Variants in ZC2HC1B observed in about 807,000 individuals in gnomAD.
ZC2HC1B encodes zinc finger C2HC domain-containing protein 1B.
In ZC2HC1B, 36 loss-of-function variants were observed where a neutral mutation model predicts 31.0. The ratio of observed to expected loss-of-function variants is 1.16; its 90% CI spans 0.89 to 1.54. The LOEUF (loss-of-function observed/expected upper bound fraction) is 1.54, where lower values mean the gene tolerates loss of function less well. ZC2HC1B is among the 40% of genes most tolerant of loss of function. The pLI is 0.00. For synonymous variants in ZC2HC1B, 73 were observed against 88.0 expected, an observed-to-expected ratio of 0.83 and a Z score of 0.95; for missense variants, 260 against 268.6, an observed-to-expected ratio of 0.97 and a Z score of 0.22.
rs1176724266 is a variant in ZC2HC1B, at chr6:143,919,217, C to CTCTGTGTG, written c.598+16066_598+16067insCTGTGTGT. 3.6e-3 allele frequency among the ~76,000 whole-genome samples: 440 copies of CTCTGTGTG among 123,694 alleles called. 6 individuals are homozygous for CTCTGTGTG. Among genetic ancestry groups the CTCTGTGTG allele is most frequent in the African/African-American group, 9.1e-3 (313 of 34,226 alleles). 81.1% of individuals were successfully genotyped at this position (123,694 alleles called of 152,430 possible). Reference sequence around the variant, plus strand: ...TCCCTTCTGCAGGGTTTGCTATTCTCTGTGTGTGTGTGTGTGTGTGTGTGT... The same window carrying CTCTGTGTG: ...TCCCTTCTGCAGGGTTTGCTATTCTCTCTGTGTGTGTGTGTGTGTGTGTGTGTGTGTGT... On this transcript the variant is annotated intron_variant, in intron 6 of 7. Transcript: ENST00000237275.
chr6:143,930,315 T>C (rs866823255), intron 6 of ZC2HC1B, among the ~76,000 whole-genome samples: 44 of 152,110 alleles, frequency 2.9e-4, no homozygotes, highest in African/African-American at 9.6e-4. Context: ...TCTTTTGTCA[T>C]TGACCCAAAA....
chr6:143,887,769 A>G lies in ZC2HC1B; in HGVS notation c.349+948A>G, dbSNP rs1777547322. The stretch of plus-strand genomic sequence containing the variant: ...TTAGGGCTAGAATCTCAATGAGATT[A>G]GCATAAATATTAATATAAGATTATT... On this transcript the variant is annotated intron_variant, in intron 4 of 7. Transcript: ENST00000237275. This position sits in a 1 kb window ranked among gnomAD's most constrained non-coding sequence, Gnocchi z 5.1. Among the ~76,000 whole-genome samples the G allele has an allele frequency of 6.6e-6, 1 of 152,102 alleles. No individual in the cohort carries two copies. Among genetic ancestry groups the G allele is most frequent in the African/African-American group, 2.4e-5 (1 of 41,464 alleles).
intron 6 of ZC2HC1B, among the ~76,000 whole-genome samples, chr6:143,914,813 A>G (rs1777898575): frequency 6.6e-6 from 1 of 152,126 alleles, no homozygotes; most frequent in Admixed American, 6.6e-5. Context: ...GGCCACTAAT[A>G]TTAGTGGCCT....
intron 1 of ZC2HC1B, among the ~76,000 whole-genome samples, chr6:143,864,972 C>CA (rs1436026102): frequency 6.6e-6 from 1 of 152,264 alleles, no homozygotes; most frequent in East Asian, 1.9e-4. Context: ...GTTTCTTTGT[C>CA]ATGTTACTCA....
chr6:143,873,115 T>A (rs957811106), intron 1 of ZC2HC1B, among the ~76,000 whole-genome samples: 3 of 152,162 alleles, frequency 2.0e-5, no homozygotes, highest in Middle Eastern at 3.4e-3. Context: ...AGGGTGCAGG[T>A]ATTGGGTAAA....
At chr6:143,866,979 G>T (rs1777271059) in intron 1 of ZC2HC1B, among the ~76,000 whole-genome samples, 2 of 152,108 alleles carry the variant, frequency 1.3e-5, no homozygotes, top group African/African-American at 4.8e-5. Flanking sequence ...ATCCAAAAAC[G>T]TTGAGTGCCA....
At chr6:143,875,691 A>C (rs1448894860) in intron 1 of ZC2HC1B, among the ~76,000 whole-genome samples, 1 of 150,310 alleles carries the variant, frequency 6.7e-6, no homozygotes, top group Non-Finnish European at 1.5e-5. Flanking sequence ...CCTCACCTCT[A>C]GGGCCCCACA....
chr6:143,877,412 A>G (rs1460237460), intron 1 of ZC2HC1B, among the ~76,000 whole-genome samples: 1 of 146,022 alleles, frequency 6.8e-6, no homozygotes, highest in Non-Finnish European at 1.5e-5. Flanking sequence ...CCTCCTGAGT[A>G]GCTGGAATTA....
chr6:143,913,784 G>T lies in ZC2HC1B; in HGVS notation c.598+10632G>T, dbSNP rs934669865. On this transcript the variant is annotated intron_variant, in intron 6 of 7. Transcript: ENST00000237275. This position sits in a 1 kb window ranked among gnomAD's most constrained non-coding sequence, Gnocchi z 5.7. ...TCACTAATTGCTTCCCTTGGCTGGG[G>T]GTGGGTGTTTCCTTGGCTCCATGTC... Among the ~76,000 whole-genome samples the T allele has an allele frequency of 1.3e-5, 2 of 152,188 alleles. No homozygotes were observed. The highest frequency in any genetic ancestry group is 4.8e-5 in the African/African-American group (2 of 41,446).
In ZC2HC1B at chr6:143,868,368, A is replaced by C. The variant is rs75827812; in HGVS notation, c.28+3801A>C. Among the ~76,000 whole-genome samples the C allele has an allele frequency of 0.014, 2,187 of 152,324 alleles. 45 individuals carry two copies. Among genetic ancestry groups the C allele is most frequent in the African/African-American group, 0.05 (2,090 of 41,558 alleles). The stretch of plus-strand genomic sequence containing the variant: ...GAGCAAGGACAACCAGTACAGTGCC[A>C]AAACTGAAGAACTTGGAGTTCAATG... On this transcript the variant is annotated intron_variant, in intron 1 of 7. Coordinates refer to ENST00000237275, the MANE Select transcript of ZC2HC1B (RefSeq NM_001013623.3). This position sits in a 1 kb window ranked among gnomAD's most constrained non-coding sequence, Gnocchi z 4.2.
In ZC2HC1B at chr6:143,900,642, G is replaced by A. The variant is rs372934860; in HGVS notation, c.489+1951G>A. ...ACGATTAATAGAGTTGTGTGGGAGG[G>A]AGAATCTAAGAAATAATTGATGAGA... On this transcript the variant is annotated intron_variant, in intron 5 of 7. Coordinates refer to ENST00000237275, the MANE Select transcript of ZC2HC1B (RefSeq NM_001013623.3). Among the ~76,000 whole-genome samples, 13 of 152,134 alleles carry A rather than the reference G, an allele frequency of 8.5e-5. 1 individual carries two copies. In the East Asian group the frequency reaches 1.4e-3, roughly 16 times the overall value.
rs548566806 is a variant in ZC2HC1B, at chr6:143,888,169, C to T, written c.349+1348C>T. Among the ~76,000 whole-genome samples the T allele has an allele frequency of 6.6e-5, 10 of 152,198 alleles. No homozygotes were observed. The South Asian group carries it at 1.7e-3, about 25-fold the overall frequency. On this transcript the variant is annotated intron_variant, in intron 4 of 7. Coordinates refer to ENST00000237275, the MANE Select transcript of ZC2HC1B (RefSeq NM_001013623.3). ...ATTTGTTAAAGAGACTTTTCTTCCC[C>T]ATTGAATAATCTTGGCACCATTATC... is the stretch of plus-strand genomic sequence containing the variant.
rs1022051745 is a variant in ZC2HC1B at position 143,921,938 on chromosome 6, T to C, written c.599-15711T>C. 3.9e-5 allele frequency among the ~76,000 whole-genome samples: 6 copies of C among 151,900 alleles called. No homozygotes were observed. Among genetic ancestry groups the C allele is most frequent in the African/African-American group, 1.5e-4 (6 of 41,316 alleles). ...GGTGACAAAGTAAGTCCTTTTCTCTTAAAAAAAATAAAAATAAAGTTGCTA... is the reference window on the plus strand; with the variant it reads ...GGTGACAAAGTAAGTCCTTTTCTCTCAAAAAAAATAAAAATAAAGTTGCTA... On this transcript the variant is annotated intron_variant, in intron 6 of 7. Coordinates refer to ENST00000237275, the MANE Select transcript of ZC2HC1B (RefSeq NM_001013623.3). The surrounding 1 kb of genome is among the most constrained non-coding windows in gnomAD (Gnocchi z 6.1).
At chr6:143,867,718 A>G (rs1777282069) in intron 1 of ZC2HC1B, among the ~76,000 whole-genome samples, 1 of 152,172 alleles carries the variant, frequency 6.6e-6, no homozygotes, top group African/African-American at 2.4e-5. Flanking sequence ...TTCCTTGAAT[A>G]TACTATCTTG....
chr6:143,906,856 C>T lies in ZC2HC1B; in HGVS notation c.598+3704C>T, dbSNP rs576283979. ...TTATTACATAGGTAAGCATGTGCTA[C>T]GGTGATTTGCTGCCAGATCATCCTA... On this transcript the variant is annotated intron_variant, in intron 6 of 7. Transcript: ENST00000237275. Among the ~76,000 whole-genome samples the T allele has an allele frequency of 3.3e-5, 5 of 151,862 alleles. No individual in the cohort carries two copies. In the South Asian group the frequency reaches 8.3e-4, roughly 25 times the overall value.
In ZC2HC1B at chr6:143,910,641, A is replaced by G. The variant is rs1490123277; in HGVS notation, c.598+7489A>G. On this transcript the variant is annotated intron_variant, in intron 6 of 7. Coordinates refer to ENST00000237275, the MANE Select transcript of ZC2HC1B (RefSeq NM_001013623.3). ...CTAAGAACTTGCTTTATGAATCTAC[A>G]TGCTCCTGTATTGGGTGCATATATA... Among the ~76,000 whole-genome samples the G allele has an allele frequency of 5.9e-5, 9 of 152,198 alleles. No individual in the cohort carries two copies. The East Asian group carries it at 1.7e-3, about 29-fold the overall frequency.
rs1777509848 is a variant in ZC2HC1B at position 143,884,745 on chromosome 6, C to T, written c.90+380C>T. Reference sequence around the variant, plus strand: ...CATTGAATTTTAGACATCTGGAAACCTGGCTTTTAGCCTCAAATTTGTCAC... The same window carrying T: ...CATTGAATTTTAGACATCTGGAAACTTGGCTTTTAGCCTCAAATTTGTCAC... On this transcript the variant is annotated intron_variant, in intron 2 of 7. Transcript: ENST00000237275. This position sits in a 1 kb window ranked among gnomAD's most constrained non-coding sequence, Gnocchi z 5.1. 6.6e-6 allele frequency among the ~76,000 whole-genome samples: 1 copy of T among 152,212 alleles called. No homozygotes were observed. The highest frequency in any genetic ancestry group is 1.5e-5 in the Non-Finnish European group (1 of 68,034).
In ZC2HC1B at chr6:143,868,294, T is replaced by C. The variant is rs1777292935; in HGVS notation, c.28+3727T>C. On this transcript the variant is annotated intron_variant, in intron 1 of 7. Coordinates refer to ENST00000237275, the MANE Select transcript of ZC2HC1B (RefSeq NM_001013623.3). This position sits in a 1 kb window ranked among gnomAD's most constrained non-coding sequence, Gnocchi z 4.2. ...TGTATATAAAGGGGAATTTATTAAG[T>C]ATTAACTCACAATCACAAGGTCCCA... is the stretch of plus-strand genomic sequence containing the variant. 6.6e-6 allele frequency among the ~76,000 whole-genome samples: 1 copy of C among 152,168 alleles called. No individual in the cohort carries two copies. The highest frequency in any genetic ancestry group is 1.5e-5 in the Non-Finnish European group (1 of 68,038).
intron 6 of ZC2HC1B, among the ~76,000 whole-genome samples, chr6:143,932,110 G>A (rs1027170746): frequency 7.9e-5 from 12 of 151,950 alleles, no homozygotes; most frequent in African/African-American, 2.9e-4. Flanking sequence ...CCTGACCTCA[G>A]GTGATCCTCA....
Sources: gnomAD v4.1 joint callset for allele counts (sites outside exome capture counted in the v4.1 genomes callset) on GRCh38, gnomAD v4.1.1 for gene constraint, Gnocchi (gnomAD v3.1) non-coding constraint, MANE v1.5 for transcripts, NCBI Gene and HGNC (gene_info 2026-07-23, HGNC 2026-07-21) for gene names.